PLB1: variants seen among roughly 807,000 people sequenced by gnomAD.
The protein encoded by PLB1 is phospholipase B1.
Under a neutral mutation model 227.4 loss-of-function variants are expected in PLB1, and 242 were observed. That is an observed-to-expected ratio of 1.06 (90% confidence interval 0.96 to 1.18). The LOEUF is 1.18. Among genes scored for constraint, PLB1 ranks in the 50% most tolerant of loss-of-function variants. The probability of loss-of-function intolerance (pLI) is 0.00; values close to 1 mark genes in which losing one functional copy is unlikely to be tolerated. For missense variants in PLB1, 1,858 were observed against 1,816.3 expected (o/e 1.02, Z -0.42); for synonymous variants, 757 against 682.2 (o/e 1.11, Z -1.71).
At position 28,619,128 on chromosome 2, in the gene PLB1, A is replaced by G. The variant is rs182707378; in HGVS notation, c.3315+729A>G. Among the ~76,000 whole-genome samples, 128 of 152,260 alleles carry G rather than the reference A, an allele frequency of 8.4e-4. 3 individuals are homozygous for G. The East Asian group carries it at 0.021, about 25-fold the overall frequency. On this transcript the variant is annotated intron_variant, in intron 46 of 57. Transcript: ENST00000327757. The stretch of plus-strand genomic sequence containing the variant: ...TTGTGGCATGGGGTTTGTTGCACAG[A>G]TTATTTAATCACCCAGGTATTAAGC...
intron 23 of PLB1, among the ~76,000 whole-genome samples, chr2:28,581,505 AT>A (rs201174917): frequency 0.062 from 7,981 of 129,166 alleles, 389 homozygotes; most frequent in Non-Finnish European, 0.08. Flanking sequence ...AAATAAATAA[AT>A]AAATAAATAA....
At position 28,558,112 on chromosome 2, in the gene PLB1, A is replaced by G. The variant is rs1193640455; in HGVS notation, c.1148-4929A>G. Reference sequence around the variant, plus strand: ...TAGACCAATCAGTCTATCTATACATATGTATGTACACACAGACATAAACAT... The same window carrying G: ...TAGACCAATCAGTCTATCTATACATGTGTATGTACACACAGACATAAACAT... On this transcript the variant is annotated intron_variant, in intron 17 of 57. Transcript: ENST00000327757. Among the ~76,000 whole-genome samples the G allele has an allele frequency of 2.0e-5, 3 of 151,576 alleles. 1 individual carries two copies. The highest frequency in any genetic ancestry group is 7.3e-5 in the African/African-American group (3 of 41,206).
At position 28,633,074 on chromosome 2, in the gene PLB1, G is replaced by C. The variant is rs1688865069; in HGVS notation, c.4098+35G>C. On this transcript the variant is annotated intron_variant, in intron 56 of 57. Transcript: ENST00000327757. ...CAAGGGCCTGGTGGGCCTTGTCAAGGGGGGATCTAAGGATATTGACACTCT... is the reference window on the plus strand; with the variant it reads ...CAAGGGCCTGGTGGGCCTTGTCAAGCGGGGATCTAAGGATATTGACACTCT... 3 of 1,555,740 alleles carry C rather than the reference G, an allele frequency of 1.9e-6. No individual in the cohort carries two copies. In the South Asian group the frequency reaches 3.3e-5, roughly 17 times the overall value.
chr2:28,618,646 C>T (rs113458494), intron 46 of PLB1, among the ~76,000 whole-genome samples: 5 of 152,204 alleles, frequency 3.3e-5, no homozygotes, highest in East Asian at 3.9e-4. Flanking sequence ...AAGCAATCCC[C>T]GCCTTCCCCA....
At chr2:28,611,072 C>T (rs1434904157) in intron 43 of PLB1, among the ~76,000 whole-genome samples, 2 of 152,040 alleles carry the variant, frequency 1.3e-5, no homozygotes, top group Non-Finnish European at 1.5e-5. Flanking sequence ...CAATAAAACC[C>T]ATTAGACAGG....
intron 14 of PLB1, 67 bp from the exon 15 acceptor site, chr2:28,548,793 A>C (rs889911965): frequency 6.8e-7 from 1 of 1,479,188 alleles, no homozygotes; most frequent in Non-Finnish European, 9.4e-7. Context: ...AGTCTTTCTC[A>C]CTGGTGACTT....
chr2:28,573,427 G>T, intron 21 of PLB1, 122 bp downstream of exon 21: 2 of 704,464 alleles, frequency 2.8e-6, no homozygotes. Context: ...GGGTTTCGGG[G>T]CCAAAGCCTG....
At position 28,632,999 on chromosome 2, in the gene PLB1, G is replaced by C; in HGVS notation, c.4058G>C (p.Arg1353Pro). Residue 1353 changes from arginine (R) to proline (P), a missense_variant, in exon 56 of 58, where the codon CGC becomes CCC. By Grantham distance (103) the Arg-to-Pro change is moderately radical (BLOSUM62 -2). Coordinates refer to ENST00000327757, the MANE Select transcript of PLB1 (RefSeq NM_153021.5). ...GAGGACTGTTTTCACTTCTCAGACCGCGGGCATGCCGAGATGGCCATCGCA... is the reference window on the plus strand; with the variant it reads ...GAGGACTGTTTTCACTTCTCAGACCCCGGGCATGCCGAGATGGCCATCGCA... ...FSEDCFHFSD[R>P]GHAEMAIALW... The C allele has an allele frequency of 6.2e-7, 1 of 1,608,830 alleles. No individual in the cohort carries two copies. Among genetic ancestry groups the C allele is most frequent in the Non-Finnish European group, 8.5e-7 (1 of 1,179,972 alleles).
chr2:28,540,519 C>A, intron 12 of PLB1, 78 bp downstream of exon 12: 2 of 1,190,840 alleles, frequency 1.7e-6, no homozygotes, highest in Non-Finnish European at 2.5e-6. Context: ...GTGATAGGGA[C>A]AATTAGTTGA....
chr2:28,625,199 G>A lies in PLB1; in HGVS notation c.3579+91G>A, dbSNP rs954170242. On this transcript the variant is annotated intron_variant, in intron 50 of 57. Transcript: ENST00000327757. ...CCCCATAAGGGTCCCTCTCACCACA[G>A]CACTTCCTGCTTTGGGCTAGCCAAA... The A allele has an allele frequency of 5.7e-6, 7 of 1,226,582 alleles. No homozygotes were observed. The African/African-American group carries it at 1.1e-4, about 19-fold the overall frequency. The allele number at this position is 1,226,582 out of a possible 1,614,324, so 76.0% of individuals were successfully genotyped here. A position where few individuals can be genotyped will look rare whatever the true frequency, so the allele number is the denominator to read the frequency against.
chr2:28,582,717 A>G (rs1680247453), intron 25 of PLB1, among the ~76,000 whole-genome samples: 1 of 152,110 alleles, frequency 6.6e-6, no homozygotes, highest in Non-Finnish European at 1.5e-5. Context: ...TGCATGGGGA[A>G]CTACCCCTGC....
At position 28,538,310 on chromosome 2, in the gene PLB1, C is replaced by G. The variant is rs1029411500; in HGVS notation, c.556-9C>G. 2 of 1,614,102 alleles carry G rather than the reference C, an allele frequency of 1.2e-6. No homozygotes were observed. Among genetic ancestry groups the G allele is most frequent in the Non-Finnish European group, 1.7e-6 (2 of 1,180,016 alleles). On this transcript the variant is annotated splice_polypyrimidine_tract_variant and intron_variant, in intron 9 of 57. Transcript: ENST00000327757. ...GGCACCCTCACTTAGCACGGTTCTC[C>G]TCTCACAGAATGGGCTTGCGGCGGG...
intron 49 of PLB1, among the ~76,000 whole-genome samples, chr2:28,623,079 AC>A (rs1573505619): frequency 3.9e-5 from 6 of 152,244 alleles, no homozygotes; most frequent in Admixed American, 3.9e-4. Context: ...AGAAGAGCAC[AC>A]AGTATGAACT....
At chr2:28,600,563 G>A (rs763281937) in intron 35 of PLB1, among the ~76,000 whole-genome samples, 23 of 152,328 alleles carry the variant, frequency 1.5e-4, no homozygotes, top group Middle Eastern at 6.8e-3. Context: ...GTGACCATGA[G>A]CAACAAATAT....
chr2:28,594,956 A>G (rs1682653760), intron 33 of PLB1: 1 of 152,162 alleles, frequency 6.6e-6, no homozygotes, highest in South Asian at 2.1e-4. Flanking sequence ...GGTCTCAGCT[A>G]AAGAAGGCAA....
At chr2:28,540,640 T>TG (rs1319753969) in intron 12 of PLB1, among the ~76,000 whole-genome samples, 199 bp downstream of exon 12, 2 of 151,964 alleles carry the variant, frequency 1.3e-5, no homozygotes, top group Non-Finnish European at 2.9e-5. Flanking sequence ...GCATATAAAA[T>TG]GGGGCCTGCA....
chr2:28,538,165 T>C lies in PLB1; in HGVS notation c.556-154T>C. ...AAATGAAGACAAAACTAGGAAGCTC[T>C]GGGAATTCTGTCCTCCTTTGTGGAA... On this transcript the variant is annotated intron_variant, in intron 9 of 57. Coordinates refer to ENST00000327757, the MANE Select transcript of PLB1 (RefSeq NM_153021.5). 8.0e-6 allele frequency: 7 copies of C among 874,976 alleles called. No individual in the cohort carries two copies. In the South Asian group the frequency reaches 1.0e-4, roughly 12 times the overall value. The allele number at this position is 874,976 out of a possible 1,614,324, so 54.2% of individuals were successfully genotyped here. A position where few individuals can be genotyped will look rare whatever the true frequency, so the allele number is the denominator to read the frequency against.
At chr2:28,574,494 C>T (rs1678583836) in intron 21 of PLB1, among the ~76,000 whole-genome samples, 1 of 149,792 alleles carries the variant, frequency 6.7e-6, no homozygotes, top group South Asian at 2.1e-4. Context: ...GGGATTCTCC[C>T]ATCTCAGCCT....
chr2:28,597,350 T>A (rs1370726532), intron 33 of PLB1, among the ~76,000 whole-genome samples: 1 of 150,362 alleles, frequency 6.7e-6, no homozygotes, highest in Non-Finnish European at 1.5e-5. Flanking sequence ...GAACAGTAAA[T>A]ACCATATATA....
Sources: gnomAD v4.1 joint callset for allele counts (sites outside exome capture counted in the v4.1 genomes callset) on GRCh38, gnomAD v4.1.1 for gene constraint, MANE v1.5 for transcripts, NCBI Gene and HGNC (gene_info 2026-07-23, HGNC 2026-07-21) for gene names.